The following CDK5RAP2 variants were observed in gnomAD, a reference collection of about 807,000 sequenced individuals.
CDK5RAP2 encodes the protein CDK5 regulatory subunit associated protein 2.
A neutral mutation model predicts 232.9 loss-of-function variants in CDK5RAP2; 147 were observed. The observed-to-expected ratio is 0.63, with a 90% confidence interval of 0.55 to 0.72. The LOEUF is 0.72. Among genes scored for constraint, CDK5RAP2 ranks in the 30% least tolerant of loss-of-function variants. The pLI is 0.00. For synonymous variants in CDK5RAP2, 833 were observed against 833.7 expected, an observed-to-expected ratio of 1.00 and a Z score of 0.01; for missense variants, 2,195 against 2,231.5, an observed-to-expected ratio of 0.98 and a Z score of 0.33.
Position 120,470,240 on chromosome 9 carries a change from A to G in CDK5RAP2, c.1859-20T>C. 1 of 1,257,694 alleles carries G rather than the reference A, an allele frequency of 8.0e-7. No individual in the cohort carries two copies. Among genetic ancestry groups the G allele is most frequent in the Non-Finnish European group, 1.1e-6 (1 of 884,190 alleles). The allele number at this position is 1,257,694 out of a possible 1,614,324, so 77.9% of individuals were successfully genotyped here. Reference sequence around the variant, plus strand: ...ATTCTTCTGCCCAAAAAAGAAAAAAAAAAGGTGGGGAGGGGGAGGAGAAAA... The same window carrying G: ...ATTCTTCTGCCCAAAAAAGAAAAAAGAAAGGTGGGGAGGGGGAGGAGAAAA... On this transcript the variant is annotated intron_variant, in intron 16 of 37. Transcript: ENST00000349780.
intron 12 of CDK5RAP2, among the ~76,000 whole-genome samples, chr9:120,512,181 T>C (rs746175448): frequency 8.5e-5 from 13 of 152,158 alleles, no homozygotes; most frequent in Non-Finnish European, 1.6e-4. Flanking sequence ...AAACCCTTTC[T>C]CTACAAAAAT....
rs915873561 is a variant in CDK5RAP2 at position 120,512,096 on chromosome 9, C to A, written c.1311+6331G>T. ...ACGGGCAGTGGCTCACACCTATAAT[C>A]CTAACACTTTGGGAGGCCAAGGTAG... On this transcript the variant is annotated intron_variant, in intron 12 of 37. Transcript: ENST00000349780. 2.6e-5 allele frequency among the ~76,000 whole-genome samples: 4 copies of A among 152,042 alleles called. No individual in the cohort carries two copies. The Middle Eastern group carries it at 0.01, about 388-fold the overall frequency.
Position 120,580,045 on chromosome 9 carries a change from G to T in CDK5RAP2, c.-67C>A. On this transcript the variant is annotated 5_prime_UTR_variant, in exon 1 of 38. Transcript: ENST00000349780. ...CGCCACTAGTACCCCCCGCGATAGC[G>T]ACCCGCCGGGCTCCCCAGGTCCCCG... 1.9e-6 allele frequency: 2 copies of T among 1,037,866 alleles called. No homozygotes were observed. Among genetic ancestry groups the T allele is most frequent in the South Asian group, 2.7e-5 (2 of 75,186 alleles). 64.3% of individuals were successfully genotyped at this position (1,037,866 alleles called of 1,614,324 possible).
Position 120,528,000 on chromosome 9 carries a change from G to A in CDK5RAP2, c.880-75C>T, listed in dbSNP as rs926289872. The A allele has an allele frequency of 2.5e-5, 39 of 1,554,284 alleles. No homozygotes were observed. In the African/African-American group the frequency reaches 4.7e-4, roughly 19 times the overall value. ...ATGCACCATAAATATATCTTTAAGA[G>A]CACACTCAAATGCAGTTATTCTATC... On this transcript the variant is annotated intron_variant, in intron 9 of 37. Coordinates refer to ENST00000349780, the MANE Select transcript of CDK5RAP2 (RefSeq NM_018249.6).
chr9:120,540,059 C>T (rs1325377186), intron 5 of CDK5RAP2, among the ~76,000 whole-genome samples: 5 of 152,216 alleles, frequency 3.3e-5, no homozygotes, highest in Non-Finnish European at 7.3e-5. Flanking sequence ...AGCCCATACT[C>T]CGTGTTACTC....
intron 1 of CDK5RAP2, 86 bp downstream of exon 1, chr9:120,579,834 A>G: frequency 8.9e-7 from 1 of 1,123,274 alleles, no homozygotes; most frequent in Non-Finnish European, 1.4e-6. Context: ...CACCCTCAAG[A>G]GCAAACCCCA....
chr9:120,393,539 A>G (rs112735632), intron 36 of CDK5RAP2, among the ~76,000 whole-genome samples: 1 of 152,234 alleles, frequency 6.6e-6, no homozygotes, highest in Non-Finnish European at 1.5e-5. Flanking sequence ...CCAGAGAAAA[A>G]GTGCTGCAGT....
At chr9:120,390,768 C>G (rs577116887) in intron 36 of CDK5RAP2, among the ~76,000 whole-genome samples, 1 of 152,298 alleles carries the variant, frequency 6.6e-6, no homozygotes, top group Non-Finnish European at 1.5e-5. Context: ...ACAGACTCAA[C>G]GCCCAACACA....
intron 3 of CDK5RAP2, among the ~76,000 whole-genome samples, chr9:120,557,741 AGAGT>A (rs1449157178): frequency 1.3e-5 from 2 of 150,528 alleles, no homozygotes; most frequent in African/African-American, 4.9e-5. Flanking sequence ...CCTGGGTGAC[AGAGT>A]GAGACCCTCT....
chr9:120,451,895 CAGAG>C (rs543450575), intron 21 of CDK5RAP2, among the ~76,000 whole-genome samples: 2 of 147,800 alleles, frequency 1.4e-5, no homozygotes, highest in African/African-American at 4.9e-5. Context: ...TACAGACAAA[CAGAG>C]AGTATCTAGC....
intron 12 of CDK5RAP2, among the ~76,000 whole-genome samples, chr9:120,509,966 CAT>C (rs1024099731): frequency 1.3e-5 from 2 of 151,874 alleles, no homozygotes; most frequent in Non-Finnish European, 2.9e-5. Flanking sequence ...CACACACACA[CAT>C]ATATATACAT....
chr9:120,511,108 A>G (rs560433894), intron 12 of CDK5RAP2, among the ~76,000 whole-genome samples: 1 of 152,328 alleles, frequency 6.6e-6, no homozygotes, highest in Admixed American at 6.5e-5. Flanking sequence ...GTGAATTCAT[A>G]AGCCTCTGAT....
chr9:120,475,004 T>G (rs1175209252), intron 15 of CDK5RAP2, among the ~76,000 whole-genome samples: 1 of 152,240 alleles, frequency 6.6e-6, no homozygotes, highest in East Asian at 1.9e-4. Flanking sequence ...AAGCTTTTCA[T>G]GCTGTCATTA....
intron 12 of CDK5RAP2, among the ~76,000 whole-genome samples, chr9:120,494,194 A>G (rs2039045734): frequency 7.5e-6 from 1 of 132,664 alleles, no homozygotes; most frequent in Non-Finnish European, 1.5e-5. Context: ...ACATAGAAAT[A>G]TAAATATACA....
chr9:120,572,485 T>C (rs1339094765), intron 1 of CDK5RAP2, among the ~76,000 whole-genome samples: 1 of 152,256 alleles, frequency 6.6e-6, no homozygotes, highest in Non-Finnish European at 1.5e-5. Context: ...ATTATCATTA[T>C]GACTACTAAT....
Position 120,427,268 on chromosome 9 carries a change from C to CA in CDK5RAP2, c.3956-4528dup, listed in dbSNP as rs775832954. On this transcript the variant is annotated intron_variant, in intron 25 of 37. Transcript: ENST00000349780. ...AACAATAGCCAATGAGCTTAAAAAACAAAAAAATCCATAATGTTTTAAGAA... is the reference window on the plus strand; with the variant it reads ...AACAATAGCCAATGAGCTTAAAAAACAAAAAAAATCCATAATGTTTTAAGAA... Among the ~76,000 whole-genome samples the CA allele has an allele frequency of 9.9e-5, 15 of 152,172 alleles. No individual in the cohort carries two copies. In the East Asian group the frequency reaches 1.4e-3, roughly 14 times the overall value.
chr9:120,482,803 T>C (rs1480232528), intron 14 of CDK5RAP2, among the ~76,000 whole-genome samples: 1 of 152,182 alleles, frequency 6.6e-6, no homozygotes, highest in Non-Finnish European at 1.5e-5. Context: ...TGGGGATATT[T>C]TGCATAATGG....
intron 36 of CDK5RAP2, 84 bp from the exon 37 acceptor site, chr9:120,389,871 C>G: frequency 7.8e-7 from 1 of 1,280,466 alleles, no homozygotes; most frequent in Non-Finnish European, 1.1e-6. Context: ...GGAGGATGAA[C>G]CCCACCCCAA....
intron 26 of CDK5RAP2, 125 bp from the exon 27 acceptor site, chr9:120,420,085 GA>G: frequency 1.3e-6 from 1 of 768,556 alleles, no homozygotes; most frequent in African/African-American, 1.7e-5. Context: ...ACTTCAGTCA[GA>G]CCTTTTATTT....
Sources: gnomAD v4.1 joint callset for allele counts (sites outside exome capture counted in the v4.1 genomes callset) on GRCh38, gnomAD v4.1.1 for gene constraint, MANE v1.5 for transcripts, NCBI Gene and HGNC (gene_info 2026-07-23, HGNC 2026-07-21) for gene names.